The following ERCC5 variants were observed in gnomAD, a reference collection of about 807,000 sequenced individuals.
The protein encoded by ERCC5 is ERCC excision repair 5, endonuclease, also known as DNA excision repair protein ERCC-5.
Under a neutral mutation model 105.6 loss-of-function variants are expected in ERCC5, and 68 were observed. The observed-to-expected ratio is 0.64, with a 90% CI of 0.53 to 0.79. The LOEUF is 0.79. Ranked by LOEUF, ERCC5 falls within the 30% of genes least tolerant of loss-of-function variation. ERCC5 has a pLI of 0.00. For missense variants in ERCC5, 1,373 were observed against 1,426.7 expected, an observed-to-expected ratio of 0.96 and a Z score of 0.61; for synonymous variants, 546 against 526.2, an observed-to-expected ratio of 1.04 and a Z score of -0.51.
chr13:102,854,065 C>T (rs1882307335), intron 3 of ERCC5, 193 bp downstream of exon 3: 1 of 731,548 alleles, frequency 1.4e-6, no homozygotes, highest in East Asian at 2.7e-5. Context: ...TGAGAATCAA[C>T]TTTGCTAATG....
chr13:102,873,119 C>A (rs537319685), intron 13 of ERCC5, 140 bp from the exon 14 acceptor site: 2 of 914,530 alleles, frequency 2.2e-6, no homozygotes, highest in East Asian at 2.7e-5. Context: ...TTAGTACTTT[C>A]TTTTAGCACT....
intron 6 of ERCC5, chr13:102,858,872 A>T: frequency 2.2e-6 from 1 of 456,080 alleles, no homozygotes; most frequent in Non-Finnish European, 4.4e-6. Context: ...TATAGAATCT[A>T]ATCACAATGG....
At chr13:102,873,185 G>T in intron 13 of ERCC5, 74 bp from the exon 14 acceptor site, 7 of 1,580,630 alleles carry the variant, frequency 4.4e-6, no homozygotes, top group Non-Finnish European at 6.1e-6. Flanking sequence ...ATCAAGAATG[G>T]GTTCTTTGGA....
intron 12 of ERCC5, among the ~76,000 whole-genome samples, chr13:102,871,574 ATC>A (rs1883034972): frequency 6.6e-6 from 1 of 151,038 alleles, no homozygotes; most frequent in African/African-American, 2.4e-5. Flanking sequence ...GAGTTCTATT[ATC>A]TCTGTTTTTG....
intron 4 of ERCC5, 52 bp from the exon 5 acceptor site, chr13:102,855,999 TG>T: frequency 6.3e-7 from 1 of 1,578,302 alleles, no homozygotes; most frequent in East Asian, 2.2e-5. Context: ...CAAGTATTTT[TG>T]TAAGGGGTCC....
intron 12 of ERCC5, among the ~76,000 whole-genome samples, chr13:102,869,552 A>G (rs952538719): frequency 3.9e-5 from 6 of 152,024 alleles, no homozygotes; most frequent in South Asian, 4.1e-4. Context: ...TATACTTTTT[A>G]TTTTACCTGT....
intron 1 of ERCC5, 111 bp downstream of exon 1, chr13:102,846,465 G>A (rs942035851): frequency 5.4e-6 from 5 of 927,922 alleles, no homozygotes; most frequent in Non-Finnish European, 8.7e-6. Context: ...CTTGGGTCGG[G>A]GTCGGGGTCG....
intron 2 of ERCC5, 126 bp downstream of exon 2, chr13:102,852,419 T>G (rs1186313839): frequency 1.9e-6 from 2 of 1,056,376 alleles, no homozygotes; most frequent in Non-Finnish European, 2.7e-6. Flanking sequence ...TGACACATAC[T>G]TAATTACATC....
intron 14 of ERCC5, among the ~76,000 whole-genome samples, chr13:102,873,573 T>C (rs1883101755): frequency 1.3e-5 from 2 of 152,230 alleles, no homozygotes; most frequent in Non-Finnish European, 2.9e-5. Flanking sequence ...TTCATTTTTT[T>C]CTTTGAAAAA....
At chr13:102,861,962 C>T in intron 7 of ERCC5, 68 bp from the exon 8 acceptor site, 1 of 1,575,178 alleles carries the variant, frequency 6.3e-7, no homozygotes, top group Non-Finnish European at 8.7e-7. Flanking sequence ...TTCTCTTATC[C>T]ATCTTACTAG....
In ERCC5 at chr13:102,862,167, CCTT is replaced by C; in HGVS notation, c.1021_1023del (p.Ser341del). On this transcript the variant is annotated inframe_deletion, in exon 8 of 15. Coordinates refer to ENST00000652225, the MANE Select transcript of ERCC5 (RefSeq NM_000123.4). ...AGAGAAAGAGCCTGATGCTACCCCT[CCTT>C]CTCCAAGAACTTTACTAGCTATGCA... The C allele has an allele frequency of 1.2e-6, 2 of 1,614,216 alleles. No homozygotes were observed. Among genetic ancestry groups the C allele is most frequent in the Non-Finnish European group, 1.7e-6 (2 of 1,180,040 alleles).
chr13:102,867,220 C>T (rs1378948547), intron 11 of ERCC5, among the ~76,000 whole-genome samples: 1 of 152,150 alleles, frequency 6.6e-6, no homozygotes, highest in African/African-American at 2.4e-5. Flanking sequence ...TCCTATATGC[C>T]AGTTGTTCTT....
rs1306208198 is a variant in ERCC5 at position 102,875,767 on chromosome 13, G to A, written c.3425G>A (p.Gly1142Asp). Reference sequence around the variant, plus strand: ...AAGGAAGCTCCCGTGAAGAATGGAGGTGCGACCACCAGCAGCTCTAGTGAT... The same window carrying A: ...AAGGAAGCTCCCGTGAAGAATGGAGATGCGACCACCAGCAGCTCTAGTGAT... The part of the protein sequence containing the change: ...SVKEAPVKNG[G>D]ATTSSSSDSD... The change falls in exon 15 of 15, where the codon GGT (glycine) becomes GAT (aspartate). Residue 1142 changes from glycine (G) to aspartate (D), a missense_variant. By Grantham distance (94) the Gly-to-Asp change is moderately conservative (BLOSUM62 -1). Transcript: ENST00000652225. 6.2e-7 allele frequency: 1 copy of A among 1,614,014 alleles called. No individual in the cohort carries two copies. The highest frequency in any genetic ancestry group is 8.5e-7 in the Non-Finnish European group (1 of 1,180,030).
At chr13:102,861,961 C>G in intron 7 of ERCC5, 69 bp from the exon 8 acceptor site, 3 of 1,569,720 alleles carry the variant, frequency 1.9e-6, no homozygotes, top group Non-Finnish European at 2.6e-6. Flanking sequence ...GTTCTCTTAT[C>G]CATCTTACTA....
In ERCC5 at chr13:102,875,317, G is replaced by A. The variant is rs377390651; in HGVS notation, c.2975G>A (p.Arg992Gln). The A allele has an allele frequency of 5.6e-5, 90 of 1,613,550 alleles. No individual in the cohort carries two copies. Among genetic ancestry groups the A allele is most frequent in the Middle Eastern group, 4.9e-4 (3 of 6,084 alleles). ...KQLDAQQTQL[R>Q]IDSFFRLAQQ... ...TTGTTATTTTTTTAGACACAGCTCC[G>A]AATTGATTCCTTCTTTAGATTAGCA... Residue 992 changes from arginine (R) to glutamine (Q), a missense_variant, in exon 15 of 15, where the codon CGA becomes CAA. By Grantham distance (43) the Arg-to-Gln change is conservative. Transcript: ENST00000652225.
At position 102,865,046 on chromosome 13, in the gene ERCC5, CTCT is replaced by C; in HGVS notation, c.1955-616_1955-614del. The C allele has an allele frequency of 6.4e-6, 1 of 156,948 alleles. No individual in the cohort carries two copies. Among genetic ancestry groups the C allele is most frequent in the East Asian group, 1.9e-4 (1 of 5,360 alleles). The allele number at this position is 156,948 out of a possible 1,614,324, so 9.7% of individuals were successfully genotyped here. On this transcript the variant is annotated intron_variant, in intron 8 of 14. Coordinates refer to ENST00000652225, the MANE Select transcript of ERCC5 (RefSeq NM_000123.4). The surrounding 1 kb of genome is among the most constrained non-coding windows in gnomAD (Gnocchi z 4.0). ...CACTGGCCTCCTCCTTGGCCCTGCT[CTCT>C]TCTTTGCTTCAGCTGTGTCCTTGGT...
rs886990196 is a variant in ERCC5, at chr13:102,850,239, T to A, written c.89-1879T>A. ...CCGCACTCGGCCTCAATATATTTTT[T>A]AAATAGGAATGTATACAAGGAGGAT... On this transcript the variant is annotated intron_variant, in intron 1 of 14. Transcript: ENST00000652225. 2.6e-5 allele frequency among the ~76,000 whole-genome samples: 4 copies of A among 152,140 alleles called. No homozygotes were observed. The East Asian group carries it at 5.8e-4, about 22-fold the overall frequency.
chr13:102,858,399 T>C lies in ERCC5; in HGVS notation c.653T>C (p.Leu218Ser), dbSNP rs1300828801. ...MKEFTKRRRT[L>S]FEAMPEESDD... ...GAGTTCACCAAGCGCAGAAGAACAT[T>C]ATTTGAAGCAATGCCAGAGGTGAAA... Residue 218 changes from leucine (L) to serine (S), a missense_variant, in exon 6 of 15, where the codon TTA becomes TCA. Leu to Ser is a moderately radical substitution (Grantham distance 145). Around this residue, in one of 3 missense-constraint regions of ERCC5, gnomAD observed 1,004 missense variants for 1,059.7 expected, o/e 0.95. Coordinates refer to ENST00000652225, the MANE Select transcript of ERCC5 (RefSeq NM_000123.4). 6.2e-7 allele frequency: 1 copy of C among 1,613,994 alleles called. No individual in the cohort carries two copies. The highest frequency in any genetic ancestry group is 2.2e-5 in the East Asian group (1 of 44,874).
Position 102,870,841 on chromosome 13 carries a change from G to C in ERCC5, c.2679-1357G>C, listed in dbSNP as rs192345320. 3.3e-5 allele frequency among the ~76,000 whole-genome samples: 5 copies of C among 152,198 alleles called. No individual in the cohort carries two copies. In the East Asian group the frequency reaches 9.6e-4, roughly 29 times the overall value. On this transcript the variant is annotated intron_variant, in intron 12 of 14. Coordinates refer to ENST00000652225, the MANE Select transcript of ERCC5 (RefSeq NM_000123.4). ...TGCTGCACTAGCAAGCTTGTGAAGC[G>C]GGGGAGCCTGAGCTGCGGGCGTTTT...
Sources: allele counts gnomAD v4.1 joint callset (sites outside exome capture counted in the v4.1 genomes callset), GRCh38; gene constraint gnomAD v4.1.1; regional missense constraint gnomAD v4.1.1; non-coding constraint Gnocchi (gnomAD v3.1); transcripts MANE v1.5; gene names NCBI Gene and HGNC (gene_info 2026-07-23, HGNC 2026-07-21).